The following BTNL9 variants were observed in gnomAD, a reference collection of about 807,000 sequenced individuals.
BTNL9 encodes butyrophilin like 9.
Under a neutral mutation model 45.8 loss-of-function variants are expected in BTNL9, and 45 were observed. That is an observed-to-expected ratio of 0.98 (90% CI 0.77 to 1.26). BTNL9 has a LOEUF of 1.26. BTNL9 is among the 50% of genes most tolerant of loss of function. The probability of loss-of-function intolerance (pLI) is 0.00; values close to 1 mark genes in which losing one functional copy is unlikely to be tolerated. For synonymous variants in BTNL9, 346 were observed against 330.8 expected (o/e 1.05, Z -0.50); for missense variants, 784 against 729.7 (o/e 1.07, Z -0.86).
In BTNL9 at chr5:181,053,437, A is replaced by C. The variant is rs985337999; in HGVS notation, c.854-32A>C. 2 of 1,554,002 alleles carry C rather than the reference A, an allele frequency of 1.3e-6. No homozygotes were observed. Among genetic ancestry groups the C allele is most frequent in the Non-Finnish European group, 1.7e-6 (2 of 1,149,778 alleles). ...CGGCCTGGAAGGGGCGGGGGCGCGC[A>C]CTCAGCCCTCTCCGCTCCCGTTTCC... On this transcript the variant is annotated intron_variant, in intron 5 of 10. Transcript: ENST00000327705. The surrounding 1 kb of genome is among the most constrained non-coding windows in gnomAD (Gnocchi z 6.5).
intron 7 of BTNL9, chr5:181,054,772 C>G: frequency 1.0e-6 from 1 of 985,312 alleles, no homozygotes; most frequent in African/African-American, 1.7e-5. Context: ...TCAGATGAAA[C>G]TGTAAGGTTG....
At chr5:181,041,244 G>T (rs756751136) in intron 1 of BTNL9, among the ~76,000 whole-genome samples, 1 of 152,250 alleles carries the variant, frequency 6.6e-6, no homozygotes, top group Non-Finnish European at 1.5e-5. Context: ...GCAGGCGAGG[G>T]ACTCCTGTGG....
At chr5:181,045,889 C>T (rs113078549) in intron 2 of BTNL9, among the ~76,000 whole-genome samples, 713 of 46,996 alleles carry the variant, frequency 0.015, 4 homozygotes, top group Middle Eastern at 0.065. Flanking sequence ...TCCCCAGCCC[C>T]CGACACCTCC....
rs1349124162 is a variant in BTNL9, at chr5:181,053,249, C to G, written c.786C>G (p.Thr262=). ...ASAWKSAFVA[T]LPLLLVLAAL... ...CGTGGAAGAGCGCGTTCGTCGCGAC[C>G]CTGCCGCTGCTGTTGGTCCTCGCGG... Residue 262 remains threonine (T), a synonymous_variant, in exon 5 of 11, where the codon ACC becomes ACG. Transcript: ENST00000327705. The surrounding 1 kb of genome is among the most constrained non-coding windows in gnomAD (Gnocchi z 6.5). 3.1e-6 allele frequency: 5 copies of G among 1,589,732 alleles called. No individual in the cohort carries two copies. In the South Asian group the frequency reaches 5.6e-5, roughly 18 times the overall value.
chr5:181,059,815 T>TGGC lies in BTNL9; in HGVS notation c.1562_1564dup (p.Trp521_Leu522insArg). The TGGC allele has an allele frequency of 6.3e-7, 1 of 1,598,794 alleles. No homozygotes were observed. The highest frequency in any genetic ancestry group is 8.5e-7 in the Non-Finnish European group (1 of 1,177,818). On this transcript the variant is annotated inframe_insertion, in exon 11 of 11. Coordinates refer to ENST00000327705, the MANE Select transcript of BTNL9 (RefSeq NM_152547.5). ...CCCCGAAGAGAACGACAGTGACACCTGGCTACAGCCCTATGAGCCCGCGGA... is the reference window on the plus strand; with the variant it reads ...CCCCGAAGAGAACGACAGTGACACCTGGCGGCTACAGCCCTATGAGCCCGCGGA...
At chr5:181,041,807 A>C (rs1760787259) in intron 1 of BTNL9, among the ~76,000 whole-genome samples, 1 of 152,216 alleles carries the variant, frequency 6.6e-6, no homozygotes, top group South Asian at 2.1e-4. Flanking sequence ...AGTTTGAGTA[A>C]GTACCTTTTC....
At chr5:181,045,412 T>A (rs1761044380) in intron 1 of BTNL9, 55 bp from the exon 2 acceptor site, 1 of 931,908 alleles carries the variant, frequency 1.1e-6, no homozygotes, top group Non-Finnish European at 1.8e-6. Context: ...ATGGAGTGAG[T>A]TCCAGCTCCC....
chr5:181,054,631 A>G, intron 7 of BTNL9: 1 of 985,356 alleles, frequency 1.0e-6, no homozygotes, highest in Non-Finnish European at 1.2e-6. Context: ...TCTCAGATCC[A>G]CTTTTCTCCC....
chr5:181,054,412 A>G (rs1761766452), intron 7 of BTNL9, 153 bp downstream of exon 7: 1 of 985,314 alleles, frequency 1.0e-6, no homozygotes, highest in South Asian at 4.7e-5. Context: ...TAAGGGGCTG[A>G]AAGGATGGCT....
Position 181,045,526 on chromosome 5 carries a change from C to G in BTNL9, c.37C>G (p.Pro13Ala), listed in dbSNP as rs188720349. ...CTCAGTCTCCCCAGACTCCTTGAAG[C>G]CAGTATCGCTGACCAGCAGTCTTGT... ...DLSVSPDSLKPVSLTSSLVFL... is the reference protein window; with the variant it reads ...DLSVSPDSLKAVSLTSSLVFL... Residue 13 changes from proline to alanine, a missense_variant, in exon 2 of 11, where the codon CCA becomes GCA. Pro to Ala is a conservative substitution (Grantham distance 27). Coordinates refer to ENST00000327705, the MANE Select transcript of BTNL9 (RefSeq NM_152547.5). 1.2e-5 allele frequency: 19 copies of G among 1,612,476 alleles called. No individual in the cohort carries two copies. In the African/African-American group the frequency reaches 2.4e-4, roughly 20 times the overall value.
chr5:181,055,780 G>A lies in BTNL9; in HGVS notation c.929-209G>A, dbSNP rs950037861. The A allele has an allele frequency of 1.5e-5, 11 of 719,580 alleles. No homozygotes were observed. The highest frequency in any genetic ancestry group is 2.0e-5 in the Non-Finnish European group (8 of 396,440). The allele number at this position is 719,580 out of a possible 1,614,324, so 44.6% of individuals were successfully genotyped here. A position where few individuals can be genotyped will look rare whatever the true frequency, so the allele number is the denominator to read the frequency against. ...CGAGACTCTGTCTCAAAAAAAAAAA[G>A]AACTATTTCTCCTCATTCATCATTT... On this transcript the variant is annotated intron_variant, in intron 8 of 10. Coordinates refer to ENST00000327705, the MANE Select transcript of BTNL9 (RefSeq NM_152547.5). This position sits in a 1 kb window ranked among gnomAD's most constrained non-coding sequence, Gnocchi z 4.4.
At position 181,059,288 on chromosome 5, in the gene BTNL9, A is replaced by T; in HGVS notation, c.1034A>T (p.Glu345Val). The change falls in exon 11 of 11, where the codon GAG becomes GTG. Residue 345 changes from glutamate to valine, a missense_variant. Transcript: ENST00000327705. ...GCGCACCCCAGCCTGGAGGTGTCGGAGGATGGCAAGAGCGTGTCTTCCCGC... is the reference window on the plus strand; with the variant it reads ...GCGCACCCCAGCCTGGAGGTGTCGGTGGATGGCAAGAGCGTGTCTTCCCGC... ...ASAHPSLEVS[E>V]DGKSVSSRGA... is the part of the protein sequence containing the mutation. 6.4e-7 allele frequency: 1 copy of T among 1,572,368 alleles called. No individual in the cohort carries two copies. The highest frequency in any genetic ancestry group is 1.7e-4 in the Middle Eastern group (1 of 5,820).
chr5:181,059,896 G>GA lies in BTNL9; in HGVS notation c.*34_*35insA. 1.3e-6 allele frequency: 2 copies of GA among 1,492,170 alleles called. No individual in the cohort carries two copies. The highest frequency in any genetic ancestry group is 2.5e-5 in the East Asian group (1 of 40,662). 92.4% of individuals were successfully genotyped at this position (1,492,170 alleles called of 1,614,324 possible). On this transcript the variant is annotated 3_prime_UTR_variant, in exon 11 of 11. Coordinates refer to ENST00000327705, the MANE Select transcript of BTNL9 (RefSeq NM_152547.5). ...CGTGGCCGCGGGACTGGCCCCGGGG[G>GA]GCCCCCTGGATCCCAGGCCAGCGCT...
Position 181,045,605 on chromosome 5 carries a change from T to C in BTNL9, c.109+7T>C. 6.2e-7 allele frequency: 1 copy of C among 1,603,730 alleles called. No homozygotes were observed. The highest frequency in any genetic ancestry group is 8.5e-7 in the Non-Finnish European group (1 of 1,171,618). ...CCTGGGGAGCCGAGCTCAGGTATTG[T>C]GTCTGCAGCCTAGCTGGCCAGGATG... On this transcript the variant is annotated splice_region_variant and intron_variant, in intron 2 of 10. Coordinates refer to ENST00000327705, the MANE Select transcript of BTNL9 (RefSeq NM_152547.5).
rs1761708039 is a variant in BTNL9, at chr5:181,053,635, G to C, written c.886+134G>C. 6.5e-7 allele frequency: 1 copy of C among 1,543,504 alleles called. No individual in the cohort carries two copies. The highest frequency in any genetic ancestry group is 1.2e-5 in the South Asian group (1 of 83,392). ...GGGCGGCCACCGGGGAACGGGGATCGGTGACCCCGGTGGGGAAGGGGGAAG... is the reference window on the plus strand; with the variant it reads ...GGGCGGCCACCGGGGAACGGGGATCCGTGACCCCGGTGGGGAAGGGGGAAG... On this transcript the variant is annotated intron_variant, in intron 6 of 10. Coordinates refer to ENST00000327705, the MANE Select transcript of BTNL9 (RefSeq NM_152547.5). The surrounding 1 kb of genome is among the most constrained non-coding windows in gnomAD (Gnocchi z 6.5).
In BTNL9 at chr5:181,053,253, CCGCTGCTGTTGGTCCTCGCGGCGCTGG is replaced by C. The variant is rs1371802425; in HGVS notation, c.796_822del (p.Leu266_Leu274del). 1 of 1,589,450 alleles carries C rather than the reference CCGCTGCTGTTGGTCCTCGCGGCGCTGG, an allele frequency of 6.3e-7. No individual in the cohort carries two copies. Among genetic ancestry groups the C allele is most frequent in the Admixed American group, 1.7e-5 (1 of 58,334 alleles). On this transcript the variant is annotated inframe_deletion, in exon 5 of 11. Transcript: ENST00000327705. The surrounding 1 kb of genome is among the most constrained non-coding windows in gnomAD (Gnocchi z 6.5). ...GAAGAGCGCGTTCGTCGCGACCCTG[CCGCTGCTGTTGGTCCTCGCGGCGCTGG>C]CGCTGGGCGTCCTCCGGAAGCAGCG... is the stretch of plus-strand genomic sequence containing the variant.
At position 181,050,340 on chromosome 5, in the gene BTNL9, A is replaced by C. The variant is rs1479067523; in HGVS notation, c.707A>C (p.Gln236Pro). The part of the protein sequence containing the change: ...SVSIQNLLLS[Q>P]KKELVVQIAD... ...TCCATCCAGAATCTCCTCTTGAGCC[A>C]GAAGAAAGAGTTGGTGGTCCAGATA... is the stretch of plus-strand genomic sequence containing the variant. The change falls in exon 4 of 11, where the codon CAG becomes CCG. Residue 236 changes from glutamine to proline, a missense_variant. Coordinates refer to ENST00000327705, the MANE Select transcript of BTNL9 (RefSeq NM_152547.5). This position sits in a 1 kb window ranked among gnomAD's most constrained non-coding sequence, Gnocchi z 4.9. The C allele has an allele frequency of 6.2e-7, 1 of 1,614,108 alleles. No homozygotes were observed. The highest frequency in any genetic ancestry group is 8.5e-7 in the Non-Finnish European group (1 of 1,180,038).
chr5:181,059,477 C>T lies in BTNL9; in HGVS notation c.1223C>T (p.Ala408Val), dbSNP rs754618093. ...LGACLAAVPR[A>V]GPARLSPAAG... is the part of the protein sequence containing the mutation. The stretch of plus-strand genomic sequence containing the variant: ...GCCTGCCTGGCCGCGGTGCCGCGCG[C>T]GGGGCCTGCGCGCCTGAGCCCTGCG... The change falls in exon 11 of 11, where the codon GCG becomes GTG. Residue 408 changes from alanine to valine, a missense_variant. Ala to Val is a moderately conservative substitution (Grantham distance 64, BLOSUM62 0). Coordinates refer to ENST00000327705, the MANE Select transcript of BTNL9 (RefSeq NM_152547.5). 5.5e-6 allele frequency: 8 copies of T among 1,455,392 alleles called. No individual in the cohort carries two copies. The African/African-American group carries it at 1.2e-4, about 22-fold the overall frequency. 90.2% of individuals were successfully genotyped at this position (1,455,392 alleles called of 1,614,324 possible).
chr5:181,044,580 C>T (rs764315975), intron 1 of BTNL9, among the ~76,000 whole-genome samples: 10 of 152,212 alleles, frequency 6.6e-5, no homozygotes, highest in Non-Finnish European at 1.5e-4. Flanking sequence ...GCAGAGATTT[C>T]GGTCCAGCCA....
Sources: allele counts gnomAD v4.1 joint callset (sites outside exome capture counted in the v4.1 genomes callset), GRCh38; gene constraint gnomAD v4.1.1; non-coding constraint Gnocchi (gnomAD v3.1); transcripts MANE v1.5; gene names NCBI Gene and HGNC (gene_info 2026-07-23, HGNC 2026-07-21).